SLC39A11: variants seen among roughly 807,000 people sequenced by gnomAD.
SLC39A11 encodes the protein solute carrier family 39 member 11, also known as zinc transporter ZIP11.
In SLC39A11, 33 loss-of-function variants were observed where a neutral mutation model predicts 36.1. That is an observed-to-expected ratio of 0.91 (90% CI 0.69 to 1.22). SLC39A11 has a LOEUF of 1.22. Ranked by LOEUF, SLC39A11 falls within the 50% of genes most tolerant of loss-of-function variation. The pLI is 0.00. For missense variants in SLC39A11, 432 were observed against 430.3 expected, an observed-to-expected ratio of 1.00 and a Z score of -0.03; for synonymous variants, 166 against 170.3, an observed-to-expected ratio of 0.97 and a Z score of 0.20.
At chr17:72,844,086 A>G (rs1455242574) in intron 6 of SLC39A11, among the ~76,000 whole-genome samples, 1 of 152,214 alleles carries the variant, frequency 6.6e-6, no homozygotes, top group African/African-American at 2.4e-5. Flanking sequence ...TTAAAAACCC[A>G]GAGTCTCAGG....
At chr17:72,690,084 C>A (rs573880087) in intron 7 of SLC39A11, among the ~76,000 whole-genome samples, 1 of 152,298 alleles carries the variant, frequency 6.6e-6, no homozygotes, top group East Asian at 1.9e-4. Flanking sequence ...TTCTGGGGAG[C>A]GTGTGTGATC....
chr17:73,069,275 C>T (rs2060088478), intron 3 of SLC39A11, among the ~76,000 whole-genome samples: 2 of 152,226 alleles, frequency 1.3e-5, no homozygotes, highest in African/African-American at 4.8e-5. Context: ...TTCTTAACAA[C>T]CACATGCTGA....
In SLC39A11 at chr17:72,947,431, T is replaced by A. The variant is rs1436526382; in HGVS notation, c.430+321A>T. The A allele has an allele frequency of 1.1e-5, 4 of 355,288 alleles. No individual in the cohort carries two copies. The East Asian group carries it at 2.0e-4, about 18-fold the overall frequency. The allele number at this position is 355,288 out of a possible 1,614,324, so 22.0% of individuals were successfully genotyped here. ...AGAGAGGGGGACACTGAGGGACAAA[T>A]GCTGGTACTCTCTAACCCAAAGCAG... On this transcript the variant is annotated intron_variant, in intron 5 of 9. Transcript: ENST00000255559.
chr17:72,809,199 T>TTCTCTCTCTCTCTCTC (rs66472539), intron 6 of SLC39A11, among the ~76,000 whole-genome samples: 2,173 of 102,146 alleles, frequency 0.021, 22 homozygotes, highest in Middle Eastern at 0.04. Context: ...TTTCTTTTCT[T>TTCTCTCTCTCTCTCTC]TCTCTCTCTC....
intron 9 of SLC39A11, among the ~76,000 whole-genome samples, chr17:72,648,027 T>A (rs1232205185): frequency 1.3e-5 from 2 of 152,138 alleles, no homozygotes; most frequent in East Asian, 3.9e-4. Flanking sequence ...TCAGAGTTAT[T>A]CTTCTATAAA....
intron 6 of SLC39A11, among the ~76,000 whole-genome samples, chr17:72,819,408 G>A (rs2077692713): frequency 6.6e-6 from 1 of 151,324 alleles, no homozygotes; most frequent in African/African-American, 2.4e-5. Context: ...AGAACTGTGT[G>A]AGAATCAACT....
chr17:73,032,563 G>A (rs1036717728), intron 3 of SLC39A11, among the ~76,000 whole-genome samples: 2 of 152,152 alleles, frequency 1.3e-5, no homozygotes, highest in Admixed American at 1.3e-4. Context: ...TACTTCACGA[G>A]TTCCACTGTA....
intron 6 of SLC39A11, among the ~76,000 whole-genome samples, chr17:72,764,966 C>T (rs2144605932): frequency 6.6e-6 from 1 of 152,276 alleles, no homozygotes; most frequent in East Asian, 1.9e-4. Context: ...CTCCAAACTG[C>T]CCTTAGTCAT....
At chr17:73,023,863 G>A (rs1250527292) in intron 4 of SLC39A11, among the ~76,000 whole-genome samples, 4 of 152,250 alleles carry the variant, frequency 2.6e-5, no homozygotes, top group South Asian at 2.1e-4. Flanking sequence ...AGCTGGGCAC[G>A]TAAAGAAACA....
intron 4 of SLC39A11, among the ~76,000 whole-genome samples, chr17:72,965,617 G>A (rs1438309207): frequency 6.6e-6 from 1 of 152,178 alleles, no homozygotes; most frequent in Non-Finnish European, 1.5e-5. Flanking sequence ...AGCAGGTTCG[G>A]TGTATTAAAT....
intron 7 of SLC39A11, among the ~76,000 whole-genome samples, chr17:72,686,517 C>T (rs1352739054): frequency 6.6e-6 from 1 of 152,116 alleles, no homozygotes; most frequent in African/African-American, 2.4e-5. Context: ...TGGGCCCTTC[C>T]CTCCAGACCC....
At chr17:72,834,124 G>A (rs958955785) in intron 6 of SLC39A11, among the ~76,000 whole-genome samples, 2 of 152,110 alleles carry the variant, frequency 1.3e-5, no homozygotes, top group African/African-American at 4.8e-5. Flanking sequence ...GTCTAGTGCA[G>A]TGTCATCCAG....
chr17:72,805,765 C>A (rs78672692), intron 6 of SLC39A11, among the ~76,000 whole-genome samples: 1 of 124,916 alleles, frequency 8.0e-6, no homozygotes, highest in Non-Finnish European at 1.7e-5. Flanking sequence ...TTTTTTTTTT[C>A]TGAGATGGAG....
At chr17:72,861,662 T>TATATATATATATATATATATATATAAA (rs2080005121) in intron 5 of SLC39A11, among the ~76,000 whole-genome samples, 1 of 82,056 alleles carries the variant, frequency 1.2e-5, no homozygotes, top group Non-Finnish European at 2.5e-5. Flanking sequence ...ACACATTATA[T>TATATATATATATATATATATATATAAA]ATATATATAT....
intron 6 of SLC39A11, among the ~76,000 whole-genome samples, chr17:72,818,257 C>T (rs1176611816): frequency 6.6e-6 from 1 of 152,172 alleles, no homozygotes; most frequent in East Asian, 1.9e-4. Context: ...AAAGGTCAAG[C>T]CACTGCTCCC....
Position 73,032,669 on chromosome 17 carries a change from C to T in SLC39A11, c.148-955G>A, listed in dbSNP as rs143410779. 7.8e-3 allele frequency among the ~76,000 whole-genome samples: 1,184 copies of T among 152,222 alleles called. 14 individuals carry two copies. Among genetic ancestry groups the T allele is most frequent in the African/African-American group, 0.027 (1,131 of 41,508 alleles). ...TACCTTTTAGCTGTGGTTTTGCTCC[C>T]TAGAACACCAAAAACTGTGTCCCTC... On this transcript the variant is annotated intron_variant, in intron 3 of 9. Transcript: ENST00000255559.
At chr17:73,053,460 T>C (rs1181545012) in intron 3 of SLC39A11, among the ~76,000 whole-genome samples, 1 of 152,198 alleles carries the variant, frequency 6.6e-6, no homozygotes, top group Non-Finnish European at 1.5e-5. Context: ...TTTATATGAA[T>C]AGTCATCAAC....
chr17:73,059,705 G>GAA (rs35281532), intron 3 of SLC39A11, among the ~76,000 whole-genome samples: 1 of 149,156 alleles, frequency 6.7e-6, no homozygotes, highest in African/African-American at 2.5e-5. Context: ...CATATGCAAG[G>GAA]AAAAAAAAGA....
At chr17:72,856,435 T>C (rs1406909090) in intron 5 of SLC39A11, among the ~76,000 whole-genome samples, 1 of 152,212 alleles carries the variant, frequency 6.6e-6, no homozygotes, top group Non-Finnish European at 1.5e-5. Context: ...CTGGTAATTT[T>C]CCTGTGATCC....
Sources: allele counts gnomAD v4.1 joint callset (sites outside exome capture counted in the v4.1 genomes callset), GRCh38; gene constraint gnomAD v4.1.1; transcripts MANE v1.5; gene names NCBI Gene and HGNC (gene_info 2026-07-23, HGNC 2026-07-21).